Variants in NALCN observed in about 807,000 individuals in gnomAD.
NALCN encodes sodium leak channel NALCN.
Under a neutral mutation model 225.3 loss-of-function variants are expected in NALCN, and 111 were observed. The ratio of observed to expected loss-of-function variants is 0.49; its 90% CI spans 0.42 to 0.58. The LOEUF is 0.58. Ranked by LOEUF, NALCN falls within the 20% of genes least tolerant of loss-of-function variation. The probability of loss-of-function intolerance (pLI) is 0.00; values close to 1 mark genes in which losing one functional copy is unlikely to be tolerated. For missense variants in NALCN, 1,378 were observed against 2,202.4 expected (o/e 0.63, Z 7.49); for synonymous variants, 764 against 769.0 (o/e 0.99, Z 0.11).
chr13:101,360,622 T>C (rs1308442673), intron 6 of NALCN, among the ~76,000 whole-genome samples: 1 of 152,130 alleles, frequency 6.6e-6, no homozygotes, highest in African/African-American at 2.4e-5. Context: ...GTGAGGGATT[T>C]TAAAAGTGCC....
chr13:101,173,026 T>C (rs903253322), intron 15 of NALCN, among the ~76,000 whole-genome samples: 4 of 152,194 alleles, frequency 2.6e-5, no homozygotes, highest in African/African-American at 9.7e-5. Context: ...TATGTAGGCG[T>C]CTGAGGAGGA....
At chr13:101,172,718 C>A (rs539958718) in intron 15 of NALCN, among the ~76,000 whole-genome samples, 1 of 150,074 alleles carries the variant, frequency 6.7e-6, no homozygotes, top group African/African-American at 2.4e-5. Context: ...CGCCACCACG[C>A]GCAGCTAATT....
intron 33 of NALCN, among the ~76,000 whole-genome samples, chr13:101,082,174 G>A (rs1346354215): frequency 2.6e-5 from 4 of 152,100 alleles, no homozygotes; most frequent in African/African-American, 7.2e-5. Flanking sequence ...CAGCATGCTC[G>A]GTTATACTAT....
chr13:101,065,717 T>G (rs1242765702), intron 39 of NALCN, among the ~76,000 whole-genome samples, 156 bp from the exon 40 acceptor site: 3 of 152,190 alleles, frequency 2.0e-5, no homozygotes, highest in Non-Finnish European at 4.4e-5. Context: ...CCTGGTAGAA[T>G]TAAGTGCACT....
At position 101,074,583 on chromosome 13, in the gene NALCN, A is replaced by T; in HGVS notation, c.4034T>A (p.Leu1345Ter). 6.2e-7 allele frequency: 1 copy of T among 1,613,934 alleles called. No individual in the cohort carries two copies. The highest frequency in any genetic ancestry group is 8.5e-7 in the Non-Finnish European group (1 of 1,179,984). Residue 1345 changes from leucine (L) to a stop codon, truncating the protein, a stop_gained, in exon 36 of 44, where the codon TTG becomes TAG. Coordinates refer to ENST00000251127, the MANE Select transcript of NALCN (RefSeq NM_052867.4). LOFTEE classifies it high-confidence loss of function. ...TCCAGCAAAAGCGTAACACAGCAGC[A>T]AGAGAAACATGCCTACTATGATAAA... The part of the protein sequence containing the change: ...SFFIIVGMFL[L>*]LLCYAFAGVV...
chr13:101,230,659 A>G (rs1313896453), intron 12 of NALCN, among the ~76,000 whole-genome samples: 2 of 152,214 alleles, frequency 1.3e-5, no homozygotes, highest in African/African-American at 2.4e-5. Context: ...CTTGCATAGA[A>G]TACGACAGGT....
chr13:101,211,894 G>A (rs552872547), intron 13 of NALCN, among the ~76,000 whole-genome samples: 1 of 151,658 alleles, frequency 6.6e-6, no homozygotes, highest in East Asian at 1.9e-4. Context: ...CAATAAAAAT[G>A]AATTTTGTTC....
chr13:101,181,022 A>T (rs1174416667), intron 14 of NALCN: 1 of 502,350 alleles, frequency 2.0e-6, no homozygotes, highest in East Asian at 5.5e-5. Context: ...TTAGTTCTGT[A>T]CCATTTTGAA....
At chr13:101,355,527 A>G (rs763210925) in intron 6 of NALCN, among the ~76,000 whole-genome samples, 1 of 152,226 alleles carries the variant, frequency 6.6e-6, no homozygotes, top group Non-Finnish European at 1.5e-5. Context: ...CACCCAATAC[A>G]GGAGCACCCA....
chr13:101,287,258 C>T (rs562505187), intron 9 of NALCN, among the ~76,000 whole-genome samples: 65 of 152,218 alleles, frequency 4.3e-4, no homozygotes, highest in Non-Finnish European at 8.1e-4. Context: ...ACAATGTATG[C>T]GAATGTCCCT....
chr13:101,120,573 A>C (rs768309352), intron 18 of NALCN, among the ~76,000 whole-genome samples: 13 of 152,164 alleles, frequency 8.5e-5, no homozygotes, highest in Non-Finnish European at 1.3e-4. Context: ...TGTTAAAGGT[A>C]ATACATGTGT....
At position 101,194,774 on chromosome 13, in the gene NALCN, C is replaced by T. The variant is rs185573277; in HGVS notation, c.1627-2720G>A. On this transcript the variant is annotated intron_variant, in intron 13 of 43. Coordinates refer to ENST00000251127, the MANE Select transcript of NALCN (RefSeq NM_052867.4). ...ATCCCAGCACTTTGGGAGGCCAAGG[C>T]GGGCAGATCACTTGAGGTCAGGAGT... Among the ~76,000 whole-genome samples, 955 of 152,216 alleles carry T rather than the reference C, an allele frequency of 6.3e-3. 6 individuals carry two copies. The highest frequency in any genetic ancestry group is 0.017 in the Middle Eastern group (5 of 294).
rs1555343688 is a variant in NALCN, at chr13:101,377,022, G to A, written c.410C>T (p.Ser137Leu). 1 of 1,614,138 alleles carries A rather than the reference G, an allele frequency of 6.2e-7. No homozygotes were observed. Residue 137 changes from serine (S) to leucine (L), a missense_variant, in exon 5 of 44, where the codon TCA becomes TTA. By Grantham distance (145) the Ser-to-Leu change is moderately radical. Transcript: ENST00000251127. ...FEIADIVDQMSPWGMLRIPRP... is the reference protein window; with the variant it reads ...FEIADIVDQMLPWGMLRIPRP... ...TGGAATCCGCAACATGCCCCAAGGT[G>A]ACATCTGATCAACTATATCAGCAAT... is the stretch of plus-strand genomic sequence containing the variant.
At chr13:101,345,862 G>T (rs1289895246) in intron 6 of NALCN, among the ~76,000 whole-genome samples, 1 of 145,038 alleles carries the variant, frequency 6.9e-6, no homozygotes, top group Non-Finnish European at 1.5e-5. Flanking sequence ...AAGCATTGTT[G>T]ATGAGGTTAA....
chr13:101,316,196 C>G (rs540264350), intron 7 of NALCN, among the ~76,000 whole-genome samples: 1 of 152,254 alleles, frequency 6.6e-6, no homozygotes, highest in South Asian at 2.1e-4. Context: ...AACTTAAATG[C>G]CTTGTCCTCT....
chr13:101,181,381 A>T (rs1566393852), intron 14 of NALCN: 1 of 509,956 alleles, frequency 2.0e-6, no homozygotes, highest in Non-Finnish European at 3.9e-6. Flanking sequence ...TTTCTGCTAA[A>T]TTTTTCCTTT....
intron 10 of NALCN, among the ~76,000 whole-genome samples, chr13:101,277,908 A>G (rs985061098): frequency 1.3e-5 from 2 of 152,234 alleles, no homozygotes; most frequent in African/African-American, 2.4e-5. Flanking sequence ...GCCACCACTC[A>G]GCTCTGGCCA....
intron 15 of NALCN, among the ~76,000 whole-genome samples, chr13:101,159,262 G>A (rs1012359524): frequency 6.6e-6 from 1 of 152,120 alleles, no homozygotes; most frequent in Non-Finnish European, 1.5e-5. Flanking sequence ...CAAGATTTCT[G>A]CTAAGAGAAA....
chr13:101,146,185 T>C (rs7999476), intron 15 of NALCN, among the ~76,000 whole-genome samples: 52,821 of 152,050 alleles, frequency 0.35, 9,483 homozygotes, highest in East Asian at 0.5. Context: ...AAATCGCTCT[T>C]ATGTTTTTGT....
Sources: gnomAD v4.1 joint callset for allele counts (sites outside exome capture counted in the v4.1 genomes callset) on GRCh38, gnomAD v4.1.1 for gene constraint, MANE v1.5 for transcripts, NCBI Gene and HGNC (gene_info 2026-07-23, HGNC 2026-07-21) for gene names.